Variants in ZNF688 observed in about 807,000 individuals in gnomAD.
ZNF688 encodes zinc finger protein 688.
A neutral mutation model predicts 13.2 loss-of-function variants in ZNF688; 10 were observed. The ratio of observed to expected loss-of-function variants is 0.76; its 90% confidence interval spans 0.47 to 1.28. The LOEUF (loss-of-function observed/expected upper bound fraction) is 1.28, where lower values mean the gene tolerates loss of function less well. ZNF688 is among the 50% of genes most tolerant of loss of function. The probability of loss-of-function intolerance (pLI) is 0.00; values close to 1 mark genes in which losing one functional copy is unlikely to be tolerated. For missense variants in ZNF688, 381 were observed against 391.4 expected (o/e 0.97, Z 0.22); for synonymous variants, 160 against 159.4 (o/e 1.00, Z -0.03).
At chr16:30,571,186 C>T (rs773561067) in intron 1 of ZNF688, 63 bp from the exon 2 acceptor site, 2 of 1,532,414 alleles carry the variant, frequency 1.3e-6, no homozygotes, top group Non-Finnish European at 1.8e-6. Context: ...TGGCATTCCC[C>T]TCCAGGCTGA....
Position 30,570,396 on chromosome 16 carries a change from G to C in ZNF688, c.351C>G (p.Val117=), listed in dbSNP as rs763750385. Residue 117 remains valine (V), a synonymous_variant, in exon 3 of 3, where the codon GTC becomes GTG. Coordinates refer to ENST00000223459, the MANE Select transcript of ZNF688 (RefSeq NM_145271.4). ...CCTTTCTAGGCCCTTTGGCTCTTGG[G>C]ACTTCCTCCGGTTCCTCTTCCTTCC... is the stretch of plus-strand genomic sequence containing the variant. The part of the protein sequence containing the change: ...PNRKEEEPEE[V]PRAKGPRKAP... The C allele has an allele frequency of 1.4e-5, 23 of 1,613,570 alleles. No homozygotes were observed. In the Middle Eastern group the frequency reaches 6.6e-4, roughly 46 times the overall value.
rs149693201 is a variant in ZNF688, at chr16:30,571,267, G to A, written c.197-144C>T. 3.3e-4 allele frequency: 514 copies of A among 1,538,458 alleles called. 3 individuals are homozygous for A. The East Asian group carries it at 0.012, about 37-fold the overall frequency. On this transcript the variant is annotated intron_variant, in intron 1 of 2. Transcript: ENST00000223459. The stretch of plus-strand genomic sequence containing the variant: ...GCTGCTGCCTGAATGAAATGGATGC[G>A]GGTGAAAACACTCCCGAGGGGGTAC...
intron 1 of ZNF688, 135 bp downstream of exon 1, chr16:30,571,299 C>T (rs998079822): frequency 1.3e-6 from 2 of 1,537,772 alleles, no homozygotes; most frequent in Non-Finnish European, 1.7e-6. Flanking sequence ...GTACCTGAAG[C>T]CCTGGGAACG....
chr16:30,570,689 A>G, intron 2 of ZNF688: 1 of 426,200 alleles, frequency 2.3e-6, no homozygotes. Context: ...GATGCATGTT[A>G]AGCACTTAGG....
upstream of ZNF688, among the ~76,000 whole-genome samples, chr16:30,574,775 A>G (rs2051731469): frequency 6.6e-6 from 1 of 152,058 alleles, no homozygotes; most frequent in Admixed American, 6.6e-5. Flanking sequence ...AACTACAGTC[A>G]CCCTACTCTG....
intron 2 of ZNF688, chr16:30,570,696 TAGGAAGTGCTC>T: frequency 2.5e-6 from 1 of 393,652 alleles, no homozygotes; most frequent in Non-Finnish European, 4.4e-6. Context: ...GTTAAGCACT[TAGGAAGTGCTC>T]AGGAAGCAGG....
At chr16:30,571,909 A>G (rs2051693344), upstream of ZNF688, 4 of 1,278,458 alleles carry the variant, frequency 3.1e-6, no homozygotes, top group Non-Finnish European at 3.9e-6. Context: ...TATGGCGACC[A>G]CCCTTCAATT....
the ZNF688 span, chr16:30,579,204 G>A: frequency 6.5e-6 from 1 of 152,766 alleles, no homozygotes; most frequent in Non-Finnish European, 1.5e-5. Context: ...ATAAATGAAT[G>A]GATAGAGGGA....
chr16:30,571,941 C>A (rs1277849152), upstream of ZNF688: 3 of 1,288,148 alleles, frequency 2.3e-6, no homozygotes, highest in Admixed American at 3.9e-5. Context: ...CTCTTAAGGG[C>A]GCCATTATTT....
the ZNF688 span, chr16:30,579,751 C>T: frequency 2.2e-6 from 1 of 452,846 alleles, no homozygotes. Flanking sequence ...ATTTGAGTCA[C>T]TGACCACCAG....
At chr16:30,572,149 C>A (rs774329048), upstream of ZNF688, 4 of 1,602,828 alleles carry the variant, frequency 2.5e-6, no homozygotes, top group South Asian at 4.5e-5. Flanking sequence ...ACGCAACGGC[C>A]GATGATTGGC....
chr16:30,577,915 C>T, the ZNF688 span, among the ~76,000 whole-genome samples: 3 of 152,018 alleles, frequency 2.0e-5, no homozygotes, highest in African/African-American at 4.8e-5. Flanking sequence ...AGTGATCCAC[C>T]GTCCTCGGCC....
At position 30,571,618 on chromosome 16, in the gene ZNF688, G is replaced by A; in HGVS notation, c.12C>T (p.Pro4=). Reference sequence around the variant, plus strand: ...GCCTCGGCGCCAGGAGCGGGGCTGGGGGCGGCGCCATGGGGCCTCGCAGCC... The same window carrying A: ...GCCTCGGCGCCAGGAGCGGGGCTGGAGGCGGCGCCATGGGGCCTCGCAGCC... MAP[P]PAPLLAPRPG... Residue 4 remains proline (P), a synonymous_variant, in exon 1 of 3, where the codon CCC becomes CCT. Transcript: ENST00000223459. 6.8e-7 allele frequency: 1 copy of A among 1,480,466 alleles called. No homozygotes were observed. The highest frequency in any genetic ancestry group is 2.7e-5 in the East Asian group (1 of 37,080). 91.7% of individuals were successfully genotyped at this position (1,480,466 alleles called of 1,614,324 possible). A position where few individuals can be genotyped will look rare whatever the true frequency, so the allele number is the denominator to read the frequency against.
upstream of ZNF688, chr16:30,572,353 A>C: frequency 7.3e-7 from 1 of 1,374,446 alleles, no homozygotes. Flanking sequence ...TGGTCCCCAG[A>C]CCCCTTGGGA....
upstream of ZNF688, among the ~76,000 whole-genome samples, chr16:30,574,419 G>A (rs1193803875): frequency 1.2e-4 from 17 of 147,120 alleles, no homozygotes; most frequent in African/African-American, 3.8e-4. Flanking sequence ...GGAGTCGGAC[G>A]CCTGTAGTCC....
chr16:30,577,858 T>A, the ZNF688 span, among the ~76,000 whole-genome samples: 2 of 151,618 alleles, frequency 1.3e-5, no homozygotes, highest in Non-Finnish European at 2.9e-5. Context: ...TTAGTAGAGA[T>A]GGGGTTTTGC....
At chr16:30,572,068 G>C, upstream of ZNF688, 1 of 1,466,480 alleles carries the variant, frequency 6.8e-7, no homozygotes, top group Non-Finnish European at 9.1e-7. Flanking sequence ...CTGGGAAGTA[G>C]AGGAGAGGCT....
At position 30,571,495 on chromosome 16, in the gene ZNF688, G is replaced by T. The variant is rs765026476; in HGVS notation, c.135C>A (p.Pro45=). ...FSPEEWGCLR[P]AQRALYRDVM... is the part of the protein sequence containing the mutation. ...CGTCCCGGTACAGAGCCCTCTGCGC[G>T]GGCCGCAGACAGCCCCACTCCTCCG... Residue 45 remains proline, a synonymous_variant, in exon 1 of 3, where the codon CCC becomes CCA. Coordinates refer to ENST00000223459, the MANE Select transcript of ZNF688 (RefSeq NM_145271.4). 6.8e-5 allele frequency: 108 copies of T among 1,590,542 alleles called. No homozygotes were observed. The highest frequency in any genetic ancestry group is 1.6e-4 in the South Asian group (14 of 87,486).
chr16:30,571,243 C>G, intron 1 of ZNF688, 120 bp from the exon 2 acceptor site: 1 of 1,539,190 alleles, frequency 6.5e-7, no homozygotes, highest in Non-Finnish European at 8.7e-7. Flanking sequence ...GGCTGCAGTG[C>G]TGCTGCCTGA....
Sources: gnomAD v4.1 joint callset for allele counts (sites outside exome capture counted in the v4.1 genomes callset) on GRCh38, gnomAD v4.1.1 for gene constraint, MANE v1.5 for transcripts, NCBI Gene and HGNC (gene_info 2026-07-23, HGNC 2026-07-21) for gene names.